Variants in ADGRL2 observed in about 807,000 individuals in gnomAD.
ADGRL2 encodes adhesion G protein-coupled receptor L2.
A neutral mutation model predicts 157.4 loss-of-function variants in ADGRL2; 44 were observed. That is an observed-to-expected ratio of 0.28 (90% CI 0.22 to 0.36). The LOEUF (loss-of-function observed/expected upper bound fraction) is 0.36. Among genes scored for constraint, ADGRL2 ranks in the 10% least tolerant of loss-of-function variants. The pLI, the probability that ADGRL2 is intolerant of heterozygous loss-of-function variation, is 1.00. For synonymous variants in ADGRL2, 585 were observed against 624.7 expected (o/e 0.94, Z 0.95); for missense variants, 1,510 against 1,768.9 (o/e 0.85, Z 2.63).
intron 1 of ADGRL2, among the ~76,000 whole-genome samples, chr1:81,366,575 G>T (rs1038873899): frequency 2.0e-5 from 3 of 152,102 alleles, no homozygotes; most frequent in African/African-American, 7.2e-5. Flanking sequence ...ATACCAAGGT[G>T]ATATTTCCCT....
At chr1:81,774,494 T>A (rs911892070) in intron 2 of ADGRL2, among the ~76,000 whole-genome samples, 45 of 152,320 alleles carry the variant, frequency 3.0e-4, no homozygotes, top group African/African-American at 1.1e-3. Context: ...AGTTACAGAT[T>A]TTCAGGCTCC....
intron 1 of ADGRL2, among the ~76,000 whole-genome samples, chr1:81,811,642 A>G (rs1412689049): frequency 1.3e-5 from 2 of 151,872 alleles, no homozygotes; most frequent in African/African-American, 4.8e-5. Flanking sequence ...ACAGAAGGGT[A>G]AAGAGCATTT....
intron 1 of ADGRL2, among the ~76,000 whole-genome samples, chr1:81,431,730 T>C (rs1264110484): frequency 6.6e-6 from 1 of 152,216 alleles, no homozygotes; most frequent in East Asian, 1.9e-4. Context: ...TTCTTTTTTG[T>C]AGGATAAGTG....
chr1:81,527,034 G>T (rs960224521), intron 2 of ADGRL2, among the ~76,000 whole-genome samples: 1 of 152,148 alleles, frequency 6.6e-6, no homozygotes, highest in Non-Finnish European at 1.5e-5. Flanking sequence ...TCTTTAAATT[G>T]CATCTGGCTG....
chr1:81,560,412 G>A (rs2080412734), intron 2 of ADGRL2, among the ~76,000 whole-genome samples: 1 of 152,176 alleles, frequency 6.6e-6, no homozygotes, highest in Non-Finnish European at 1.5e-5. Context: ...GACTAAATGA[G>A]TTAATATACA....
intron 3 of ADGRL2, among the ~76,000 whole-genome samples, chr1:81,648,307 T>C (rs1391775947): frequency 6.6e-6 from 1 of 152,094 alleles, no homozygotes; most frequent in Non-Finnish European, 1.5e-5. Context: ...AATTTATAGA[T>C]TGGAAATTGA....
chr1:81,505,128 C>T, intron 2 of ADGRL2: 1 of 442,468 alleles, frequency 2.3e-6, no homozygotes, highest in South Asian at 2.1e-5. Flanking sequence ...ACAGATACCT[C>T]AGCCCGGTAA....
At chr1:81,807,237 C>T (rs1306623725) in intron 1 of ADGRL2, among the ~76,000 whole-genome samples, 1 of 151,852 alleles carries the variant, frequency 6.6e-6, no homozygotes, top group African/African-American at 2.4e-5. Context: ...GTTAATGTAA[C>T]CTAAATGGAT....
intron 2 of ADGRL2, among the ~76,000 whole-genome samples, chr1:81,894,655 A>C (rs919922762): frequency 3.3e-5 from 5 of 152,278 alleles, no homozygotes; most frequent in African/African-American, 1.2e-4. Context: ...TAAAGGAAAA[A>C]GAGTAGAAAT....
chr1:81,436,616 G>C (rs1241341372), intron 1 of ADGRL2, among the ~76,000 whole-genome samples: 1 of 152,142 alleles, frequency 6.6e-6, no homozygotes, highest in Non-Finnish European at 1.5e-5. Flanking sequence ...ACCAATATGG[G>C]GAAAGCAGAG....
At chr1:81,687,483 T>C (rs972569920) in intron 3 of ADGRL2, among the ~76,000 whole-genome samples, 3 of 152,216 alleles carry the variant, frequency 2.0e-5, no homozygotes, top group African/African-American at 7.2e-5. Flanking sequence ...TTGGTGTCCA[T>C]GTGCATGAAA....
chr1:81,727,931 T>C (rs1557601111), intron 1 of ADGRL2, among the ~76,000 whole-genome samples: 1 of 152,126 alleles, frequency 6.6e-6, no homozygotes, highest in Non-Finnish European at 1.5e-5. Flanking sequence ...GGTTTTTGTC[T>C]GTTTTGTTTA....
At chr1:81,879,783 G>A (rs1437866401) in intron 2 of ADGRL2, among the ~76,000 whole-genome samples, 1 of 152,042 alleles carries the variant, frequency 6.6e-6, no homozygotes, top group Non-Finnish European at 1.5e-5. Flanking sequence ...AGGCCGAGGC[G>A]GGCTGATCAC....
chr1:81,366,769 T>C (rs2076074312), intron 1 of ADGRL2, among the ~76,000 whole-genome samples: 1 of 152,116 alleles, frequency 6.6e-6, no homozygotes, highest in Non-Finnish European at 1.5e-5. Context: ...TAGTTACTTC[T>C]TTTCAGGTCT....
chr1:81,329,962 T>A lies in ADGRL2; in HGVS notation c.-302+23453T>A, dbSNP rs112280312. Reference sequence around the variant, plus strand: ...AGATTTACTTCTTTTGCTTTGCACATTTCTGATGATCAGATTTTAATTTGA... The same window carrying A: ...AGATTTACTTCTTTTGCTTTGCACAATTCTGATGATCAGATTTTAATTTGA... On this transcript the variant is annotated intron_variant, in intron 1 of 24. Coordinates refer to the ADGRL2 transcript ENST00000370721. 2.0e-4 allele frequency among the ~76,000 whole-genome samples: 30 copies of A among 152,296 alleles called. 1 individual carries two copies. Among genetic ancestry groups the A allele is most frequent in the African/African-American group, 6.7e-4 (28 of 41,586 alleles).
chr1:81,921,385 T>C (rs560991364), intron 3 of ADGRL2, among the ~76,000 whole-genome samples: 1 of 152,300 alleles, frequency 6.6e-6, no homozygotes, highest in Non-Finnish European at 1.5e-5. Context: ...AATTTTAAAA[T>C]TGCTTAATAG....
At chr1:81,942,266 T>C (rs909309128) in intron 5 of ADGRL2, among the ~76,000 whole-genome samples, 2 of 151,972 alleles carry the variant, frequency 1.3e-5, no homozygotes, top group African/African-American at 4.8e-5. Context: ...ATCTGCCCTT[T>C]CTCTGTTTCT....
chr1:81,624,863 A>C (rs1007348801), intron 3 of ADGRL2, among the ~76,000 whole-genome samples: 1 of 152,214 alleles, frequency 6.6e-6, no homozygotes, highest in African/African-American at 2.4e-5. Flanking sequence ...GAAGAGGCTG[A>C]ATGAGACAAG....
chr1:81,766,763 G>A (rs1055539614), intron 2 of ADGRL2, among the ~76,000 whole-genome samples: 12 of 150,122 alleles, frequency 8.0e-5, no homozygotes, highest in African/African-American at 2.9e-4. Context: ...CCAGGAGGCG[G>A]AGATTGTGGT....
Sources: allele counts gnomAD v4.1 joint callset (sites outside exome capture counted in the v4.1 genomes callset), GRCh38; gene constraint gnomAD v4.1.1; transcripts MANE v1.5; gene names NCBI Gene and HGNC (gene_info 2026-07-23, HGNC 2026-07-21).